FAM240C: variants seen among roughly 807,000 people sequenced by gnomAD.
The protein encoded by FAM240C is protein FAM240C.
A neutral mutation model predicts 10.0 loss-of-function variants in FAM240C; 14 were observed. That is an observed-to-expected ratio of 1.40 (90% CI 0.92 to 2.19). The LOEUF (loss-of-function observed/expected upper bound fraction) is 2.19, where lower values mean the gene tolerates loss of function less well. Among genes scored for constraint, FAM240C ranks in the 30% most tolerant of loss-of-function variants. The pLI is 0.00. For missense variants in FAM240C, 154 were observed against 122.3 expected (o/e 1.26, Z -1.22); for synonymous variants, 49 against 44.3 (o/e 1.11, Z -0.42).
intron 1 of FAM240C, among the ~76,000 whole-genome samples, chr2:241,897,934 T>C (rs1355780190): frequency 6.6e-6 from 1 of 152,170 alleles, no homozygotes; most frequent in Non-Finnish European, 1.5e-5. Context: ...TGGGTCTCAC[T>C]ATGTTGCCCA....
chr2:241,895,072 G>A (rs1023163312), intron 2 of FAM240C, among the ~76,000 whole-genome samples: 1 of 152,252 alleles, frequency 6.6e-6, no homozygotes, highest in Non-Finnish European at 1.5e-5. Context: ...CCAGCCAAGG[G>A]TGAGCTGTGT....
chr2:241,895,493 C>T (rs996156765), intron 2 of FAM240C, among the ~76,000 whole-genome samples: 6 of 152,224 alleles, frequency 3.9e-5, no homozygotes, highest in Non-Finnish European at 8.8e-5. Flanking sequence ...TCTCTCACGG[C>T]GGCTTCCTGG....
In FAM240C at chr2:241,899,314, C is replaced by T. The variant is rs534017182; in HGVS notation, c.12+1044G>A. 198 of 985,418 alleles carry T rather than the reference C, an allele frequency of 2.0e-4. No homozygotes were observed. In the African/African-American group the frequency reaches 3.3e-3, roughly 16 times the overall value. The allele number at this position is 985,418 out of a possible 1,614,324, so 61.0% of individuals were successfully genotyped here. On this transcript the variant is annotated intron_variant, in intron 1 of 2. Transcript: ENST00000404031. ...TTGCTGGGGAGCTGCCCCTGGAGGG[C>T]CACAGAAATCGCCCATCGATGCCAC...
chr2:241,894,587 G>T (rs1007899098), intron 2 of FAM240C, among the ~76,000 whole-genome samples: 3 of 125,220 alleles, frequency 2.4e-5, no homozygotes, highest in South Asian at 2.8e-4. Flanking sequence ...GGGGGGGGGG[G>T]GCGTCTCACT....
At chr2:241,902,068 C>T (rs74968453), upstream of FAM240C, among the ~76,000 whole-genome samples, 18,566 of 152,156 alleles carry the variant, frequency 0.12, 1,693 homozygotes, top group African/African-American at 0.26. The surrounding 1 kb of genome is among the most constrained non-coding windows in gnomAD (Gnocchi z 7.1). Context: ...GTCAAGTGTG[C>T]ACTATCTGCA....
At chr2:241,899,467 G>GTTCC in intron 1 of FAM240C, 2 of 459,740 alleles carry the variant, frequency 4.4e-6, no homozygotes, top group Non-Finnish European at 5.7e-6. Context: ...AGGAGGGTGG[G>GTTCC]ATGCACGGAA....
upstream of FAM240C, chr2:241,900,531 T>C (rs1414484482): frequency 4.8e-6 from 3 of 626,316 alleles, no homozygotes; most frequent in South Asian, 1.9e-5. The surrounding 1 kb of genome is among the most constrained non-coding windows in gnomAD (Gnocchi z 4.5). Flanking sequence ...GCCCTCTGTC[T>C]GGGCACCGTC....
chr2:241,895,160 C>T (rs73113420), intron 2 of FAM240C, among the ~76,000 whole-genome samples: 35,466 of 152,202 alleles, frequency 0.23, 4,568 homozygotes, highest in African/African-American at 0.34. Context: ...GTACCCCGGA[C>T]GGCTGGGCCC....
At chr2:241,897,457 C>A in intron 1 of FAM240C, 123 bp from the exon 2 acceptor site, 1 of 1,230,718 alleles carries the variant, frequency 8.1e-7, no homozygotes, top group Non-Finnish European at 1.1e-6. Flanking sequence ...TCCCCGCCTT[C>A]CTGGTTCGTG....
chr2:241,899,124 G>C, intron 1 of FAM240C: 8 of 1,304,216 alleles, frequency 6.1e-6, no homozygotes, highest in Non-Finnish European at 8.1e-6. Context: ...CCTGCTTCAG[G>C]TGGAGAGGGT....
At chr2:241,902,119 C>T (rs1350250549), upstream of FAM240C, among the ~76,000 whole-genome samples, 1 of 152,198 alleles carries the variant, frequency 6.6e-6, no homozygotes, top group African/African-American at 2.4e-5. The surrounding 1 kb of genome is among the most constrained non-coding windows in gnomAD (Gnocchi z 7.1). Flanking sequence ...AATGCATTTG[C>T]CGCAGGCTGA....
chr2:241,898,983 T>G, intron 1 of FAM240C: 1 of 625,458 alleles, frequency 1.6e-6, no homozygotes, highest in African/African-American at 1.9e-5. Context: ...TGCTTGGCCT[T>G]GGAGGCATTT....
At chr2:241,902,303 C>T (rs1450214693), upstream of FAM240C, among the ~76,000 whole-genome samples, 1 of 150,974 alleles carries the variant, frequency 6.6e-6, no homozygotes, top group African/African-American at 2.4e-5. The surrounding 1 kb of genome is among the most constrained non-coding windows in gnomAD (Gnocchi z 7.1). Context: ...GCCTTCCAGC[C>T]CAGGAGTCCC....
intron 1 of FAM240C, chr2:241,899,421 C>G: frequency 1.2e-6 from 1 of 829,010 alleles, no homozygotes; most frequent in Non-Finnish European, 1.5e-6. Context: ...GCTGAGGACG[C>G]TGGCGCGAAT....
chr2:241,901,479 G>GTT (rs147313921), upstream of FAM240C, among the ~76,000 whole-genome samples: 4 of 151,568 alleles, frequency 2.6e-5, no homozygotes, highest in Non-Finnish European at 4.4e-5. The surrounding 1 kb of genome is among the most constrained non-coding windows in gnomAD (Gnocchi z 4.9). Context: ...CTTCACAGTT[G>GTT]TTTTTTTTTA....
chr2:241,901,845 G>A (rs1701990420), upstream of FAM240C, among the ~76,000 whole-genome samples: 1 of 152,164 alleles, frequency 6.6e-6, no homozygotes, highest in Non-Finnish European at 1.5e-5. This position sits in a 1 kb window ranked among gnomAD's most constrained non-coding sequence, Gnocchi z 4.9. Context: ...ATGCGCGAGC[G>A]CCCCGGGGAT....
chr2:241,899,262 C>G (rs1321477359), intron 1 of FAM240C: 1 of 1,291,568 alleles, frequency 7.7e-7, no homozygotes, highest in Non-Finnish European at 1.0e-6. Context: ...GCCTGCGCAG[C>G]CTGTTGTGAT....
chr2:241,899,994 G>A (rs867097017), intron 1 of FAM240C, among the ~76,000 whole-genome samples: 4 of 152,176 alleles, frequency 2.6e-5, no homozygotes, highest in Admixed American at 1.3e-4. Flanking sequence ...GTGAACCCGG[G>A]AGGCGGAGGT....
At chr2:241,894,465 G>T in intron 2 of FAM240C, 126 bp from the exon 3 acceptor site, 1 of 1,115,178 alleles carries the variant, frequency 9.0e-7, no homozygotes, top group Non-Finnish European at 1.2e-6. Flanking sequence ...GCCAGGGGTG[G>T]GGGTGTCACC....
Sources: gnomAD v4.1 joint callset for allele counts (sites outside exome capture counted in the v4.1 genomes callset) on GRCh38, gnomAD v4.1.1 for gene constraint, Gnocchi (gnomAD v3.1) non-coding constraint, MANE v1.5 for transcripts, NCBI Gene and HGNC (gene_info 2026-07-23, HGNC 2026-07-21) for gene names.